The following MCTP1 variants were observed in gnomAD, a reference collection of about 807,000 sequenced individuals.
MCTP1 encodes multiple C2 and transmembrane domain-containing protein 1.
MCTP1 carries 69 observed loss-of-function variants against 120.6 expected under a neutral mutation model. The observed-to-expected ratio is 0.57, with a 90% CI of 0.47 to 0.70. MCTP1 has a LOEUF of 0.70. Ranked by LOEUF, MCTP1 falls within the 30% of genes least tolerant of loss-of-function variation. The pLI, the probability that MCTP1 is intolerant of heterozygous loss-of-function variation, is 0.00. For missense variants in MCTP1, 1,203 were observed against 1,248.8 expected, an observed-to-expected ratio of 0.96 and a Z score of 0.55; for synonymous variants, 529 against 493.1, an observed-to-expected ratio of 1.07 and a Z score of -0.96.
intron 1 of MCTP1, among the ~76,000 whole-genome samples, chr5:95,147,566 T>C (rs1253765737): frequency 1.3e-5 from 2 of 152,230 alleles, no homozygotes; most frequent in Non-Finnish European, 2.9e-5. Flanking sequence ...TCTTTCTCCA[T>C]CTCATTACTT....
At chr5:95,024,199 G>C in intron 1 of MCTP1, 1 of 293,312 alleles carries the variant, frequency 3.4e-6, no homozygotes, top group Non-Finnish European at 6.8e-6. Context: ...AGCTTTCCTT[G>C]ATTTTTTTCT....
intron 10 of MCTP1, among the ~76,000 whole-genome samples, chr5:94,896,751 T>C (rs1366743152): frequency 6.6e-6 from 1 of 152,228 alleles, no homozygotes; most frequent in African/African-American, 2.4e-5. Flanking sequence ...GTAAATGTCC[T>C]CTGAATTAGT....
intron 20 of MCTP1, 41 bp from the exon 21 acceptor site, chr5:94,710,968 T>C: frequency 7.4e-7 from 1 of 1,342,842 alleles, no homozygotes. Context: ...GAGTACTTCA[T>C]ACTTTTTTCA....
rs144805920 is a variant in MCTP1 at position 94,774,957 on chromosome 5, G to A, written c.2610+4153C>T. On this transcript the variant is annotated intron_variant, in intron 19 of 22. Coordinates refer to ENST00000515393, the MANE Select transcript of MCTP1 (RefSeq NM_024717.7). ...TCATCCCCCTAACCCCTCATAGTTC[G>A]TTTGAGATGCCAGAGATGCCCAAAT... is the stretch of plus-strand genomic sequence containing the variant. Among the ~76,000 whole-genome samples the A allele has an allele frequency of 2.1e-3, 323 of 152,088 alleles. 2 individuals carry two copies. The highest frequency in any genetic ancestry group is 3.3e-3 in the Non-Finnish European group (226 of 67,990).
chr5:94,979,401 G>A (rs964362820), intron 2 of MCTP1: 8 of 152,124 alleles, frequency 5.3e-5, no homozygotes, highest in East Asian at 1.9e-4. Flanking sequence ...AGCTGTATAC[G>A]GTGATCAGAT....
chr5:94,870,394 A>T (rs1344891870), intron 16 of MCTP1, 23 bp downstream of exon 16: 1 of 1,497,250 alleles, frequency 6.7e-7, no homozygotes, highest in Non-Finnish European at 9.3e-7. Context: ...TCCCAGAGGG[A>T]TTAATCTTTT....
intron 1 of MCTP1, among the ~76,000 whole-genome samples, chr5:95,124,246 A>G (rs1758455285): frequency 6.6e-6 from 1 of 152,228 alleles, no homozygotes; most frequent in African/African-American, 2.4e-5. Context: ...CCTCTAGCTG[A>G]CTGGCATACT....
chr5:95,256,810 C>A (rs146545657), intron 1 of MCTP1, among the ~76,000 whole-genome samples: 103 of 152,210 alleles, frequency 6.8e-4, no homozygotes, highest in South Asian at 1.2e-3. Flanking sequence ...GATCCAAAAC[C>A]AAGTAGGACA....
Position 94,717,125 on chromosome 5 carries a change from T to C in MCTP1, c.2611-2239A>G, listed in dbSNP as rs768067198. ...AATCTATCTTAATATGTGCCTCAAA[T>C]AGCCCCAAATACATTCCATATTAAT... On this transcript the variant is annotated intron_variant, in intron 19 of 22. Transcript: ENST00000515393. Among the ~76,000 whole-genome samples, 6 of 152,154 alleles carry C rather than the reference T, an allele frequency of 3.9e-5. No homozygotes were observed. In the South Asian group the frequency reaches 1.0e-3, roughly 26 times the overall value.
intron 19 of MCTP1, 66 bp downstream of exon 19, chr5:94,779,044 G>A: frequency 1.4e-6 from 2 of 1,407,414 alleles, no homozygotes; most frequent in South Asian, 2.3e-5. Flanking sequence ...TTAACTGTCT[G>A]TGAAAACAGT....
At chr5:94,821,446 AT>A (rs754827312) in intron 17 of MCTP1, among the ~76,000 whole-genome samples, 1 of 152,274 alleles carries the variant, frequency 6.6e-6, no homozygotes, top group Non-Finnish European at 1.5e-5. Context: ...TGAGCTCTGC[AT>A]TTTATGTGCC....
At chr5:94,885,287 T>A (rs1801016230) in intron 12 of MCTP1, among the ~76,000 whole-genome samples, 1 of 149,032 alleles carries the variant, frequency 6.7e-6, no homozygotes, top group Non-Finnish European at 1.5e-5. Context: ...TATGACCTCT[T>A]CCTTAGGAGC....
chr5:94,923,406 G>A (rs1812212408), intron 7 of MCTP1, among the ~76,000 whole-genome samples: 1 of 152,166 alleles, frequency 6.6e-6, no homozygotes, highest in Non-Finnish European at 1.5e-5. Context: ...CAAAGAGTAA[G>A]TTAAATTGCA....
At chr5:94,891,366 A>C (rs1307803932) in intron 11 of MCTP1, among the ~76,000 whole-genome samples, 4 of 152,198 alleles carry the variant, frequency 2.6e-5, no homozygotes, top group Admixed American at 6.5e-5. Flanking sequence ...TTGTGTTCCT[A>C]CAGTAACAGC....
At chr5:94,744,253 C>T (rs924263926) in intron 19 of MCTP1, among the ~76,000 whole-genome samples, 1 of 152,208 alleles carries the variant, frequency 6.6e-6, no homozygotes, top group Non-Finnish European at 1.5e-5. Flanking sequence ...GGATTATAGG[C>T]GTGAGCCGTT....
Position 95,081,854 on chromosome 5 carries a change from A to G in MCTP1, c.721-64370T>C, listed in dbSNP as rs905873371. 7.0e-6 allele frequency: 7 copies of G among 1,004,758 alleles called. No homozygotes were observed. In the African/African-American group the frequency reaches 1.2e-4, roughly 17 times the overall value. 62.2% of individuals were successfully genotyped at this position (1,004,758 alleles called of 1,614,324 possible). Reference sequence around the variant, plus strand: ...ATCAAACATGCAGTGTTAGTAGTCAACCTCTTCCTCATGGCAAAAGCCACA... The same window carrying G: ...ATCAAACATGCAGTGTTAGTAGTCAGCCTCTTCCTCATGGCAAAAGCCACA... On this transcript the variant is annotated intron_variant, in intron 1 of 22. Transcript: ENST00000515393.
intron 2 of MCTP1, among the ~76,000 whole-genome samples, chr5:95,005,774 T>A (rs1460416723): frequency 6.7e-5 from 6 of 90,004 alleles, no homozygotes; most frequent in African/African-American, 1.9e-4. Flanking sequence ...TTCTTTATTT[T>A]TTTTTTTTTT....
In MCTP1 at chr5:95,274,845, G is replaced by C. The variant is rs976407618; in HGVS notation, c.720+9011C>G. Among the ~76,000 whole-genome samples the C allele has an allele frequency of 5.9e-5, 9 of 152,002 alleles. No homozygotes were observed. The East Asian group carries it at 7.8e-4, about 13-fold the overall frequency. On this transcript the variant is annotated intron_variant, in intron 1 of 22. Coordinates refer to ENST00000515393, the MANE Select transcript of MCTP1 (RefSeq NM_024717.7). ...TCATCATGTTAGCCAGGATGGTCTC[G>C]ATCTCCTGACCTCGTGATCCGCCCG...
At chr5:95,030,167 A>C (rs892772482) in intron 1 of MCTP1, among the ~76,000 whole-genome samples, 4 of 152,182 alleles carry the variant, frequency 2.6e-5, no homozygotes. Context: ...TGAACCCTGC[A>C]ACAGGGAAGT....
Sources: allele counts gnomAD v4.1 joint callset (sites outside exome capture counted in the v4.1 genomes callset), GRCh38; gene constraint gnomAD v4.1.1; transcripts MANE v1.5; gene names NCBI Gene and HGNC (gene_info 2026-07-23, HGNC 2026-07-21).